Variants in NALCN observed in about 807,000 individuals in gnomAD.
NALCN encodes the protein sodium leak channel NALCN.
A neutral mutation model predicts 225.3 loss-of-function variants in NALCN; 111 were observed. The observed-to-expected ratio is 0.49, with a 90% CI of 0.42 to 0.58. The LOEUF (loss-of-function observed/expected upper bound fraction) is 0.58, where lower values mean the gene tolerates loss of function less well. Ranked by LOEUF, NALCN falls within the 20% of genes least tolerant of loss-of-function variation. The probability of loss-of-function intolerance (pLI) is 0.00; values close to 1 mark genes in which losing one functional copy is unlikely to be tolerated. For synonymous variants in NALCN, 764 were observed against 769.0 expected (o/e 0.99, Z 0.11); for missense variants, 1,378 against 2,202.4 (o/e 0.63, Z 7.49).
At chr13:101,171,004 A>C (rs1234207117) in intron 15 of NALCN, among the ~76,000 whole-genome samples, 2 of 152,232 alleles carry the variant, frequency 1.3e-5, no homozygotes, top group Middle Eastern at 3.4e-3. Flanking sequence ...TACATTCCCC[A>C]GTGTCATTCC....
chr13:101,174,615 G>GA (rs2038883018), intron 15 of NALCN, among the ~76,000 whole-genome samples: 1 of 151,846 alleles, frequency 6.6e-6, no homozygotes, highest in Non-Finnish European at 1.5e-5. Flanking sequence ...TTAAAATGTT[G>GA]AAAAAAATGA....
intron 9 of NALCN, among the ~76,000 whole-genome samples, chr13:101,290,428 G>A (rs747818393): frequency 7.9e-5 from 12 of 152,162 alleles, no homozygotes; most frequent in African/African-American, 1.7e-4. Context: ...GGAATGGACC[G>A]GGAACTTTCT....
intron 13 of NALCN, among the ~76,000 whole-genome samples, chr13:101,207,706 C>T: frequency 6.7e-6 from 1 of 150,024 alleles, no homozygotes; most frequent in East Asian, 1.9e-4. Flanking sequence ...GTAAAATGGA[C>T]CAATCAGCGC....
intron 15 of NALCN, among the ~76,000 whole-genome samples, chr13:101,172,924 A>G (rs982932698): frequency 1.3e-5 from 2 of 152,166 alleles, no homozygotes; most frequent in African/African-American, 4.8e-5. Flanking sequence ...AAAAAAATCT[A>G]TGAACCAACT....
At chr13:101,394,814 T>A (rs1009868737) in intron 3 of NALCN, among the ~76,000 whole-genome samples, 1 of 152,162 alleles carries the variant, frequency 6.6e-6, no homozygotes, top group African/African-American at 2.4e-5. Flanking sequence ...GTGACTCTGA[T>A]TCTGCACTCC....
chr13:101,306,138 C>T (rs1021330244), intron 7 of NALCN, among the ~76,000 whole-genome samples: 4 of 152,078 alleles, frequency 2.6e-5, no homozygotes, highest in South Asian at 2.1e-4. Context: ...GAATGGTGCC[C>T]GAGGCCAGTT....
chr13:101,397,071 T>TATAC (rs2047318508), intron 2 of NALCN, among the ~76,000 whole-genome samples: 1 of 41,268 alleles, frequency 2.4e-5, no homozygotes, highest in Non-Finnish European at 3.6e-5. Flanking sequence ...ATGTATTATA[T>TATAC]ATATATATAT....
intron 7 of NALCN, among the ~76,000 whole-genome samples, chr13:101,326,641 T>A (rs2044961485): frequency 6.6e-6 from 1 of 152,224 alleles, no homozygotes; most frequent in Non-Finnish European, 1.5e-5. Context: ...TTGCTTAATG[T>A]CATGACCCCC....
At chr13:101,070,441 A>C (rs2139451715) in intron 37 of NALCN, among the ~76,000 whole-genome samples, 1 of 152,354 alleles carries the variant, frequency 6.6e-6, no homozygotes, top group South Asian at 2.1e-4. Flanking sequence ...CAGATCCATC[A>C]GAGCAATCAC....
At chr13:101,069,329 C>T (rs2032670343) in intron 37 of NALCN, among the ~76,000 whole-genome samples, 1 of 152,250 alleles carries the variant, frequency 6.6e-6, no homozygotes, top group Non-Finnish European at 1.5e-5. Context: ...TCCCAGTGCA[C>T]ATGCAACTCA....
intron 7 of NALCN, among the ~76,000 whole-genome samples, chr13:101,319,774 C>T (rs2044682429): frequency 6.6e-6 from 1 of 152,048 alleles, no homozygotes. Flanking sequence ...TTAGATGGCT[C>T]TGAAAATGTG....
chr13:101,346,797 G>A (rs1429464051), intron 6 of NALCN, among the ~76,000 whole-genome samples: 1 of 152,070 alleles, frequency 6.6e-6, no homozygotes, highest in Non-Finnish European at 1.5e-5. Context: ...ACCCCAAATA[G>A]CTGCTATCTG....
At chr13:101,166,901 T>A (rs985436094) in intron 15 of NALCN, among the ~76,000 whole-genome samples, 3 of 152,202 alleles carry the variant, frequency 2.0e-5, no homozygotes, top group Non-Finnish European at 2.9e-5. Context: ...ATATATGATA[T>A]AAGGTAAGGG....
chr13:101,162,884 C>T (rs984876882), intron 15 of NALCN, among the ~76,000 whole-genome samples: 2 of 152,136 alleles, frequency 1.3e-5, no homozygotes, highest in African/African-American at 4.8e-5. Context: ...CACATCTTCC[C>T]TCCAAATCCC....
intron 7 of NALCN, among the ~76,000 whole-genome samples, chr13:101,326,311 T>C (rs2139214351): frequency 6.6e-6 from 1 of 152,322 alleles, no homozygotes; most frequent in Middle Eastern, 3.4e-3. Context: ...TAACATATAG[T>C]AGATCTCAAT....
chr13:101,373,469 G>A (rs2046599534), intron 6 of NALCN, among the ~76,000 whole-genome samples: 1 of 152,082 alleles, frequency 6.6e-6, no homozygotes, highest in Non-Finnish European at 1.5e-5. Flanking sequence ...GACCAAATTA[G>A]CAATATACCA....
In NALCN at chr13:101,065,709, T is replaced by C. The variant is rs940746409; in HGVS notation, c.4447-148A>G. On this transcript the variant is annotated intron_variant, in intron 39 of 43. Coordinates refer to ENST00000251127, the MANE Select transcript of NALCN (RefSeq NM_052867.4). The stretch of plus-strand genomic sequence containing the variant: ...GAAAGCTGGTCACCTCCTTGGAGCC[T>C]GGTAGAATTAAGTGCACTAAGAAGA... The C allele has an allele frequency of 1.8e-5, 17 of 939,280 alleles. No individual in the cohort carries two copies. In the African/African-American group the frequency reaches 2.7e-4, roughly 15 times the overall value. 58.2% of individuals were successfully genotyped at this position (939,280 alleles called of 1,614,324 possible). A position where few individuals can be genotyped will look rare whatever the true frequency, so the allele number is the denominator to read the frequency against.
intron 7 of NALCN, among the ~76,000 whole-genome samples, chr13:101,317,839 G>A (rs962331257): frequency 1.3e-5 from 2 of 152,028 alleles, no homozygotes; most frequent in Admixed American, 6.5e-5. Flanking sequence ...TAAATGTTAT[G>A]TGCATTTATT....
chr13:101,098,679 T>C (rs2034645815), intron 27 of NALCN, among the ~76,000 whole-genome samples: 5 of 152,174 alleles, frequency 3.3e-5, no homozygotes, highest in African/African-American at 9.6e-5. Flanking sequence ...GTGTATCTAC[T>C]TTCCCCCTTT....
Sources: allele counts gnomAD v4.1 joint callset (sites outside exome capture counted in the v4.1 genomes callset), GRCh38; gene constraint gnomAD v4.1.1; transcripts MANE v1.5; gene names NCBI Gene and HGNC (gene_info 2026-07-23, HGNC 2026-07-21).